The following DHRSX variants were observed in gnomAD, a reference collection of about 807,000 sequenced individuals.
DHRSX encodes dehydrogenase/reductase X-linked.
DHRSX carries 31 observed loss-of-function variants against 34.0 expected under a neutral mutation model. The ratio of observed to expected loss-of-function variants is 0.91; its 90% confidence interval spans 0.69 to 1.23. The LOEUF (loss-of-function observed/expected upper bound fraction) is 1.23. Ranked by LOEUF, DHRSX falls within the 50% of genes most tolerant of loss-of-function variation. The pLI is 0.00. For synonymous variants in DHRSX, 201 were observed against 183.8 expected, an observed-to-expected ratio of 1.09 and a Z score of -0.76; for missense variants, 414 against 428.1, an observed-to-expected ratio of 0.97 and a Z score of 0.29.
At chrX:2,330,337 A>G (rs1293115035) in intron 3 of DHRSX, among the ~76,000 whole-genome samples, 2 of 151,792 alleles carry the variant, frequency 1.3e-5, no homozygotes, top group African/African-American at 2.4e-5. Context: ...CCTGGCCAAC[A>G]TGGTGAAACC....
intron 3 of DHRSX, among the ~76,000 whole-genome samples, chrX:2,371,173 T>TCCGTTACCATAGACCCTCCTC (rs1569494663): frequency 2.7e-5 from 4 of 150,880 alleles, no homozygotes; most frequent in Admixed American, 2.6e-4. Flanking sequence ...AGTCCCTCCT[T>TCCGTTACCATAGACCCTCCTC]CCGTTACCAT....
intron 3 of DHRSX, among the ~76,000 whole-genome samples, chrX:2,306,974 A>G (rs1358424651): frequency 1.3e-5 from 2 of 148,378 alleles, no homozygotes; most frequent in Non-Finnish European, 1.5e-5. Context: ...TACTGATTCA[A>G]TTTCATAACT....
At chrX:2,359,839 C>G (rs190423064) in intron 3 of DHRSX, among the ~76,000 whole-genome samples, 111 of 152,186 alleles carry the variant, frequency 7.3e-4, no homozygotes, top group South Asian at 7.1e-3. Context: ...AACCAAATTA[C>G]TACATGTTCT....
rs745591789 is a variant in DHRSX, at chrX:2,416,925, T to C, written c.218-8112A>G. On this transcript the variant is annotated intron_variant, in intron 2 of 6. Transcript: ENST00000334651. ...CTCTTATTTTGTATTTAATATAAAA[T>C]TCATTGTGTTCAATGATATTTTTTC... is the stretch of plus-strand genomic sequence containing the variant. Among the ~76,000 whole-genome samples the C allele has an allele frequency of 2.0e-5, 3 of 152,170 alleles. No individual in the cohort carries two copies. The South Asian group carries it at 6.2e-4, about 31-fold the overall frequency.
At position 2,249,513 on chromosome X, in the gene DHRSX, CTTTTTTTTTTTTTT is replaced by C. The variant is rs753035485; in HGVS notation, c.597-6297_597-6284del. ...CCACCACGCTCAGCCCTTTTTGTGC[CTTTTTTTTTTTTTT>C]TTTTTTTTTTTTTTGAGACAGAGTC... On this transcript the variant is annotated intron_variant, in intron 5 of 6. Transcript: ENST00000334651. 1.3e-3 allele frequency among the ~76,000 whole-genome samples: 90 copies of C among 70,196 alleles called. 1 individual carries two copies. In the East Asian group the frequency reaches 0.027, roughly 21 times the overall value. The allele number at this position is 70,196 out of a possible 152,430, so 46.1% of individuals were successfully genotyped here.
intron 1 of DHRSX, among the ~76,000 whole-genome samples, chrX:2,458,285 A>G (rs1219513614): frequency 6.6e-6 from 1 of 152,132 alleles, no homozygotes; most frequent in Non-Finnish European, 1.5e-5. Context: ...GGCCTGCAAA[A>G]CATCAGAGCA....
chrX:2,500,189 C>T (rs2045381087), intron 1 of DHRSX: 1 of 152,476 alleles, frequency 6.6e-6, no homozygotes, highest in South Asian at 2.1e-4. Context: ...GCCAAGGAAA[C>T]AAAGTTGCCA....
chrX:2,495,684 C>G (rs138652684), intron 1 of DHRSX, among the ~76,000 whole-genome samples: 40 of 152,094 alleles, frequency 2.6e-4, no homozygotes, highest in Non-Finnish European at 5.9e-4. Context: ...GCAGCGCTTC[C>G]GAGCACACAA....
chrX:2,253,268 G>A (rs113139738), intron 5 of DHRSX, among the ~76,000 whole-genome samples: 2,913 of 93,042 alleles, frequency 0.031, no homozygotes, highest in African/African-American at 0.043. Context: ...GGAGGCGGAC[G>A]TGGTCGTGAG....
chrX:2,389,634 A>G (rs1358837574), intron 3 of DHRSX, among the ~76,000 whole-genome samples: 1 of 152,142 alleles, frequency 6.6e-6, no homozygotes, highest in Non-Finnish European at 1.5e-5. Context: ...TCACTCACCA[A>G]CAGCTGCACA....
At chrX:2,229,690 T>G (rs2015822274) in intron 6 of DHRSX, among the ~76,000 whole-genome samples, 1 of 152,122 alleles carries the variant, frequency 6.6e-6, no homozygotes, top group Non-Finnish European at 1.5e-5. Context: ...TGCACGTGCA[T>G]GAATGCACAC....
intron 1 of DHRSX, among the ~76,000 whole-genome samples, chrX:2,483,618 G>A (rs1171696958): frequency 2.0e-5 from 3 of 151,876 alleles, no homozygotes; most frequent in East Asian, 1.9e-4. Flanking sequence ...AATGCCCCCC[G>A]GTTCTTTTGT....
At position 2,367,454 on chromosome X, in the gene DHRSX, G is replaced by GA. The variant is rs763133691; in HGVS notation, c.286+41290dup. Among the ~76,000 whole-genome samples the GA allele has an allele frequency of 4.5e-3, 556 of 122,980 alleles. 2 individuals are homozygous for GA. Among genetic ancestry groups the GA allele is most frequent in the African/African-American group, 0.01 (344 of 33,442 alleles). 80.7% of individuals were successfully genotyped at this position (122,980 alleles called of 152,430 possible). A position where few individuals can be genotyped will look rare whatever the true frequency, so the allele number is the denominator to read the frequency against. On this transcript the variant is annotated intron_variant, in intron 3 of 6. Transcript: ENST00000334651. ...CTGTCTCAAAAAAAAAAAGAAAAAA[G>GA]AAAAAAAAAAAAGAACGATGCTACA... is the stretch of plus-strand genomic sequence containing the variant.
intron 3 of DHRSX, among the ~76,000 whole-genome samples, chrX:2,324,644 T>C (rs993056729): frequency 9.9e-5 from 15 of 152,178 alleles, no homozygotes; most frequent in Admixed American, 3.3e-4. Flanking sequence ...ACAGTCATGA[T>C]ACTCGGCAAT....
In DHRSX at chrX:2,335,455, G is replaced by GTA. The variant is rs201627795; in HGVS notation, c.287-43853_287-43852insTA. 4.8e-3 allele frequency among the ~76,000 whole-genome samples: 724 copies of GTA among 151,324 alleles called. 9 individuals are homozygous for GTA. The highest frequency in any genetic ancestry group is 0.017 in the African/African-American group (696 of 41,128). On this transcript the variant is annotated intron_variant, in intron 3 of 6. Coordinates refer to ENST00000334651, the MANE Select transcript of DHRSX (RefSeq NM_145177.3). ...TGCATTCATTATTTTTTTGGGGTGT[G>GTA]TGTGTGTGTGTGTTTAGACAGAGTA... is the stretch of plus-strand genomic sequence containing the variant.
intron 3 of DHRSX, among the ~76,000 whole-genome samples, chrX:2,384,164 T>C (rs1461733331): frequency 1.3e-5 from 2 of 152,176 alleles, no homozygotes; most frequent in Admixed American, 1.3e-4. Context: ...GAGCTCTCAG[T>C]TGCCACCAGG....
At chrX:2,381,357 G>C (rs1269460160) in intron 3 of DHRSX, among the ~76,000 whole-genome samples, 4 of 152,180 alleles carry the variant, frequency 2.6e-5, no homozygotes, top group Non-Finnish European at 5.9e-5. Flanking sequence ...CTGTGAACCA[G>C]GAAGCAGGTC....
intron 5 of DHRSX, among the ~76,000 whole-genome samples, chrX:2,262,867 A>G (rs62595504): frequency 0.63 from 95,631 of 152,112 alleles, 31,138 homozygotes; most frequent in Non-Finnish European, 0.74. Flanking sequence ...ACAGGAGCTC[A>G]ATTCGACAAA....
At chrX:2,259,133 C>T (rs1481919461) in intron 5 of DHRSX, among the ~76,000 whole-genome samples, 1 of 151,746 alleles carries the variant, frequency 6.6e-6, no homozygotes, top group Non-Finnish European at 1.5e-5. Context: ...ATTATCTGGG[C>T]GTGATGGCGC....
Sources: allele counts gnomAD v4.1 joint callset (sites outside exome capture counted in the v4.1 genomes callset), GRCh38; gene constraint gnomAD v4.1.1; transcripts MANE v1.5; gene names NCBI Gene and HGNC (gene_info 2026-07-23, HGNC 2026-07-21).